The following NBPF9 variants were observed in gnomAD, a reference collection of about 807,000 sequenced individuals.
NBPF9 encodes the protein NBPF member 9, also known as NBPF family member NBPF9.
A neutral mutation model predicts 97.8 loss-of-function variants in NBPF9; 91 were observed. The ratio of observed to expected loss-of-function variants is 0.93; its 90% CI spans 0.79 to 1.11. The LOEUF is 1.11. Among genes scored for constraint, NBPF9 ranks in the 50% least tolerant of loss-of-function variants. The pLI is 0.00. For synonymous variants in NBPF9, 334 were observed against 359.5 expected, an observed-to-expected ratio of 0.93 and a Z score of 0.80; for missense variants, 992 against 939.5, an observed-to-expected ratio of 1.06 and a Z score of -0.73.
At chr1:149,088,457 G>A (rs1411005577) in intron 5 of NBPF9, among the ~76,000 whole-genome samples, 3 of 152,120 alleles carry the variant, frequency 2.0e-5, no homozygotes, top group Non-Finnish European at 4.4e-5. Context: ...AGTAACAACA[G>A]GTATTCTACT....
At chr1:149,064,047 T>A in intron 19 of NBPF9, among the ~76,000 whole-genome samples, 1 of 127,598 alleles carries the variant, frequency 7.8e-6, no homozygotes, top group Non-Finnish European at 1.7e-5. Context: ...CAGAGCGAGC[T>A]GAGTGATTTG....
chr1:149,062,723 A>C (rs1174818189), intron 21 of NBPF9, 139 bp downstream of exon 21: 23 of 742,336 alleles, frequency 3.1e-5, no homozygotes, highest in Non-Finnish European at 5.2e-5. Flanking sequence ...ATCTACTGCA[A>C]TGAAAACCAA....
chr1:149,065,020 A>G, intron 18 of NBPF9: 3 of 558,938 alleles, frequency 5.4e-6, no homozygotes, highest in Non-Finnish European at 9.6e-6. Context: ...GATGAGCTAA[A>G]ACAAGCGAAC....
At chr1:149,083,071 G>A (rs1350902221) in intron 5 of NBPF9, among the ~76,000 whole-genome samples, 1 of 142,520 alleles carries the variant, frequency 7.0e-6, no homozygotes, top group Non-Finnish European at 1.5e-5. Flanking sequence ...GCCTCCCAAA[G>A]TGCTGGGATT....
chr1:149,062,545 T>G (rs587698412), intron 21 of NBPF9, among the ~76,000 whole-genome samples: 1 of 142,514 alleles, frequency 7.0e-6, no homozygotes, highest in African/African-American at 2.6e-5. Flanking sequence ...ACACTCTGAG[T>G]TAGTGCCCTC....
chr1:149,076,419 A>T lies in NBPF9; in HGVS notation c.779-555T>A, dbSNP rs1245459543. Reference sequence around the variant, plus strand: ...GCCATCTTGGACAGGCTGGTTTCGAACTCCTGAGCTCAGGTGTTCCGCCCA... The same window carrying T: ...GCCATCTTGGACAGGCTGGTTTCGATCTCCTGAGCTCAGGTGTTCCGCCCA... On this transcript the variant is annotated intron_variant, in intron 11 of 29. Coordinates refer to ENST00000584027, the Ensembl canonical transcript of NBPF9. Among the ~76,000 whole-genome samples, 1,185 of 149,834 alleles carry T rather than the reference A, an allele frequency of 7.9e-3. 44 individuals carry two copies. The highest frequency in any genetic ancestry group is 0.014 in the Admixed American group (209 of 15,010).
intron 14 of NBPF9, among the ~76,000 whole-genome samples, chr1:149,072,345 C>T (rs1181774986): frequency 6.6e-6 from 1 of 152,178 alleles, no homozygotes; most frequent in Non-Finnish European, 1.5e-5. Flanking sequence ...AAGTCATTCA[C>T]TCTCTGACAG....
At position 149,062,348 on chromosome 1, in the gene NBPF9, A is replaced by C. The variant is rs1302578077; in HGVS notation, c.2079-83T>G. 1.2e-3 allele frequency: 732 copies of C among 622,522 alleles called. 19 individuals are homozygous for C. Among genetic ancestry groups the C allele is most frequent in the Non-Finnish European group, 1.8e-3 (616 of 348,192 alleles). 38.6% of individuals were successfully genotyped at this position (622,522 alleles called of 1,614,324 possible). A position where few individuals can be genotyped will look rare whatever the true frequency, so the allele number is the denominator to read the frequency against. Reference sequence around the variant, plus strand: ...CCAGCTAGATTTCATGGCTAACATAAGGAACTGTTTAAAAAGAAAAAGGAC... The same window carrying C: ...CCAGCTAGATTTCATGGCTAACATACGGAACTGTTTAAAAAGAAAAAGGAC... On this transcript the variant is annotated intron_variant, in intron 21 of 29. Transcript: ENST00000584027.
In NBPF9 at chr1:149,054,130, G is replaced by A. The variant is rs56174809; in HGVS notation, c.*1526C>T. 9 of 148,800 alleles carry A rather than the reference G, an allele frequency of 6.0e-5. No homozygotes were observed. The East Asian group carries it at 1.0e-3, about 17-fold the overall frequency. 9.2% of individuals were successfully genotyped at this position (148,800 alleles called of 1,614,324 possible). A position where few individuals can be genotyped will look rare whatever the true frequency, so the allele number is the denominator to read the frequency against. ...ACTGAATGTAAAAAACAATCCAAAAGTCCAGAGTGATAGGCAAAAGGTTTT... is the reference window on the plus strand; with the variant it reads ...ACTGAATGTAAAAAACAATCCAAAAATCCAGAGTGATAGGCAAAAGGTTTT... On this transcript the variant is annotated 3_prime_UTR_variant, in exon 30 of 30. Coordinates refer to ENST00000584027, the Ensembl canonical transcript of NBPF9.
chr1:149,070,110 C>T, intron 16 of NBPF9, among the ~76,000 whole-genome samples: 1 of 138,798 alleles, frequency 7.2e-6, no homozygotes, highest in African/African-American at 2.8e-5. Flanking sequence ...CATTTGAGGT[C>T]ATGAGTTCAG....
At chr1:149,077,809 G>T (rs1218347356) in intron 10 of NBPF9, 74 bp downstream of exon 10, 17 of 1,585,702 alleles carry the variant, frequency 1.1e-5, no homozygotes, top group African/African-American at 2.7e-5. Flanking sequence ...CACCATAGAT[G>T]CCAGAGAGGG....
chr1:149,073,103 A>T (rs1244254295), intron 13 of NBPF9, among the ~76,000 whole-genome samples, 171 bp from the exon 14 acceptor site: 1 of 149,420 alleles, frequency 6.7e-6, no homozygotes, highest in Non-Finnish European at 1.5e-5. Context: ...AATGGTTTAC[A>T]GGCTTCCTCT....
At position 149,085,429 on chromosome 1, in the gene NBPF9, G is replaced by A. The variant is rs372473111; in HGVS notation, c.-194-2999C>T. Among the ~76,000 whole-genome samples the A allele has an allele frequency of 8.5e-5, 13 of 152,068 alleles. No homozygotes were observed. The South Asian group carries it at 2.3e-3, about 27-fold the overall frequency. ...TCCAACTTATTGCTTCTTCAATATCGACTTGCTTATTCTAGGTTCTTTGAT... is the reference window on the plus strand; with the variant it reads ...TCCAACTTATTGCTTCTTCAATATCAACTTGCTTATTCTAGGTTCTTTGAT... On this transcript the variant is annotated intron_variant, in intron 5 of 29. Transcript: ENST00000584027.
chr1:149,068,278 A>G (rs2079158777), intron 17 of NBPF9, among the ~76,000 whole-genome samples: 1 of 150,432 alleles, frequency 6.6e-6, no homozygotes, highest in Non-Finnish European at 1.5e-5. Flanking sequence ...ACATAACAAT[A>G]TTAACCTTAA....
intron 7 of NBPF9, among the ~76,000 whole-genome samples, chr1:149,081,689 T>C (rs2080461928): frequency 7.0e-6 from 1 of 143,306 alleles, no homozygotes; most frequent in Middle Eastern, 3.4e-3. Flanking sequence ...TGATTGAGCC[T>C]CTTGGAGAAA....
chr1:149,060,841 G>A (rs2078542770), intron 23 of NBPF9, 146 bp from the exon 24 acceptor site: 1 of 409,946 alleles, frequency 2.4e-6, no homozygotes, highest in Admixed American at 3.9e-5. Flanking sequence ...TTGCCTTCAT[G>A]TTGGGACACA....
At position 149,081,995 on chromosome 1, in the gene NBPF9, C is replaced by T. The variant is rs1478621870; in HGVS notation, c.145G>A (p.Gly49Ser). The T allele has an allele frequency of 1.5e-5, 24 of 1,604,474 alleles. 1 individual carries two copies. The African/African-American group carries it at 1.6e-4, about 11-fold the overall frequency. ...TTCTTCTGTCGGTTGGCCAGGAAGC[C>T]GGCCAGTTGAGTTAGAAAACATCTC... is the stretch of plus-strand genomic sequence containing the variant. Residue 49 changes from glycine to serine, a missense_variant, in exon 7 of 30, where the codon GGC becomes AGC. Around this residue, in one of 11 missense-constraint regions of NBPF9, gnomAD observed 23 missense variants for 58.0 expected, o/e 0.40. Transcript: ENST00000584027.
intron 5 of NBPF9, among the ~76,000 whole-genome samples, chr1:149,089,699 C>A (rs1276177979): frequency 6.6e-6 from 1 of 152,312 alleles, no homozygotes; most frequent in Non-Finnish European, 1.5e-5. Context: ...CAGCGTAAAG[C>A]ACTCAACCAG....
exon 6 of NBPF9, chr1:149,082,279 T>C (rs587629184): frequency 2.6e-6 from 4 of 1,534,076 alleles, no homozygotes; most frequent in Non-Finnish European, 3.5e-6. Flanking sequence ...TACCTTACTG[T>C]TGTGAAAAAT....
Sources: gnomAD v4.1 joint callset for allele counts (sites outside exome capture counted in the v4.1 genomes callset) on GRCh38, gnomAD v4.1.1 for gene constraint, gnomAD v4.1.1 regional missense constraint, MANE v1.5 for transcripts, NCBI Gene and HGNC (gene_info 2026-07-23, HGNC 2026-07-21) for gene names.